The following LRP1 variants were observed in gnomAD, a reference collection of about 807,000 sequenced individuals.
The protein encoded by LRP1 is prolow-density lipoprotein receptor-related protein 1.
In LRP1, 51 loss-of-function variants were observed where a neutral mutation model predicts 541.5. That is an observed-to-expected ratio of 0.09 (90% CI 0.08 to 0.12). LRP1 has a LOEUF of 0.12. Ranked by LOEUF, LRP1 falls within the 10% of genes least tolerant of loss-of-function variation. The pLI, the probability that LRP1 is intolerant of heterozygous loss-of-function variation, is 1.00. For missense variants in LRP1, 3,878 were observed against 6,376.2 expected (o/e 0.61, Z 13.34); for synonymous variants, 2,219 against 2,470.8 (o/e 0.90, Z 3.02).
At chr12:57,137,348 G>T (rs2035194096) in intron 1 of LRP1, among the ~76,000 whole-genome samples, 1 of 151,792 alleles carries the variant, frequency 6.6e-6, no homozygotes, top group Non-Finnish European at 1.5e-5. Flanking sequence ...ATTGGGGTGG[G>T]AGGGTAGGGC....
chr12:57,208,377 C>A, intron 77 of LRP1, 161 bp downstream of exon 77: 1 of 757,046 alleles, frequency 1.3e-6, no homozygotes. Flanking sequence ...CTGCCTGGCC[C>A]TCCCCATGCT....
intron 17 of LRP1, 83 bp downstream of exon 17, chr12:57,166,292 TGCCTATAATCTCA>T: frequency 1.3e-6 from 2 of 1,492,938 alleles, no homozygotes; most frequent in Non-Finnish European, 1.8e-6. Context: ...CAGTGGCTCA[TGCCTATAATCTCA>T]GCACTTTGGG....
chr12:57,203,198 G>A lies in LRP1; in HGVS notation c.10729G>A (p.Glu3577Lys), dbSNP rs866559567. The change falls in exon 69 of 89, where the codon GAG becomes AAG. Residue 3577 changes from glutamate (E) to lysine (K), a missense_variant. Around this residue, in one of 13 missense-constraint regions of LRP1, gnomAD observed 278 missense variants for 536.3 expected, o/e 0.52. Coordinates refer to ENST00000243077, the MANE Select transcript of LRP1 (RefSeq NM_002332.3). The stretch of plus-strand genomic sequence containing the variant: ...CTTCCCAGCCCCTCGGCCCTGCTCC[G>A]AGAGTGAGTTCTCCTGTGCCAACGG... The part of the protein sequence containing the change: ...EESCTPRPCS[E>K]SEFSCANGRC... 2 of 1,602,818 alleles carry A rather than the reference G, an allele frequency of 1.2e-6. No individual in the cohort carries two copies. Among genetic ancestry groups the A allele is most frequent in the East Asian group, 2.2e-5 (1 of 44,508 alleles).
Position 57,208,170 on chromosome 12 carries a change from G to A in LRP1, c.11992G>A (p.Gly3998Ser). 2 of 1,614,072 alleles carry A rather than the reference G, an allele frequency of 1.2e-6. No individual in the cohort carries two copies. The highest frequency in any genetic ancestry group is 1.7e-6 in the Non-Finnish European group (2 of 1,180,012). ...KGENRKTLIS[G>S]MIDEPHAIVV... is the part of the protein sequence containing the mutation. ...CGAGAACCGCAAGACGCTCATCTCGGGCATGATTGACGAGCCCCACGCCAT... is the reference window on the plus strand; with the variant it reads ...CGAGAACCGCAAGACGCTCATCTCGAGCATGATTGACGAGCCCCACGCCAT... Residue 3998 changes from glycine (G) to serine (S), a missense_variant, in exon 77 of 89, where the codon GGC becomes AGC. Gly to Ser is a moderately conservative substitution (Grantham distance 56). Coordinates refer to ENST00000243077, the MANE Select transcript of LRP1 (RefSeq NM_002332.3).
intron 6 of LRP1, among the ~76,000 whole-genome samples, chr12:57,151,911 G>A (rs1189880095): frequency 2.0e-5 from 3 of 152,150 alleles, no homozygotes; most frequent in Non-Finnish European, 2.9e-5. Context: ...ATTTTTGCTT[G>A]CAACTAATAG....
chr12:57,187,259 C>T lies in LRP1; in HGVS notation c.6842-8C>T. Reference sequence around the variant, plus strand: ...TCCTGACAAATCGCTGCTCCTGTCTCTTCACAGACGTGGGCTCCGTGGAAG... The same window carrying T: ...TCCTGACAAATCGCTGCTCCTGTCTTTTCACAGACGTGGGCTCCGTGGAAG... On this transcript the variant is annotated splice_region_variant and splice_polypyrimidine_tract_variant and intron_variant, in intron 41 of 88. Transcript: ENST00000243077. 1 of 1,609,130 alleles carries T rather than the reference C, an allele frequency of 6.2e-7. No homozygotes were observed. The highest frequency in any genetic ancestry group is 1.1e-5 in the South Asian group (1 of 90,282).
In LRP1 at chr12:57,185,052, G is replaced by T; in HGVS notation, c.6339-29G>T. The T allele has an allele frequency of 1.2e-6, 2 of 1,614,092 alleles. No individual in the cohort carries two copies. Among genetic ancestry groups the T allele is most frequent in the Non-Finnish European group, 1.7e-6 (2 of 1,179,966 alleles). ...TTCCTTCCCTCCTGCCTCCACTGATGCCCTGCTTGTGCCCTGTCCTTCCCT... is the reference window on the plus strand; with the variant it reads ...TTCCTTCCCTCCTGCCTCCACTGATTCCCTGCTTGTGCCCTGTCCTTCCCT... On this transcript the variant is annotated intron_variant, in intron 39 of 88. Coordinates refer to ENST00000243077, the MANE Select transcript of LRP1 (RefSeq NM_002332.3). The surrounding 1 kb of genome is among the most constrained non-coding windows in gnomAD (Gnocchi z 4.9).
chr12:57,181,436 C>T (rs1251521081), intron 34 of LRP1, 145 bp downstream of exon 34: 1 of 1,028,488 alleles, frequency 9.7e-7, no homozygotes, highest in Non-Finnish European at 1.4e-6. Flanking sequence ...GTGGCTATGA[C>T]TCTCCAGTGC....
chr12:57,145,648 G>T (rs2035390516), intron 6 of LRP1, among the ~76,000 whole-genome samples, 158 bp downstream of exon 6: 1 of 152,158 alleles, frequency 6.6e-6, no homozygotes, highest in Non-Finnish European at 1.5e-5. Context: ...TGAGGCAGGG[G>T]CAGAGCCACC....
At chr12:57,135,909 G>T (rs1234867352) in intron 1 of LRP1, among the ~76,000 whole-genome samples, 3 of 152,140 alleles carry the variant, frequency 2.0e-5, no homozygotes, top group Admixed American at 6.5e-5. Context: ...GGGAGGTTAG[G>T]TGACCACCCG....
chr12:57,198,712 T>G (rs1355623734), intron 60 of LRP1, 42 bp downstream of exon 60: 14 of 1,556,756 alleles, frequency 9.0e-6, no homozygotes. Flanking sequence ...GCAGACTCAG[T>G]GGGGATGGAG....
At chr12:57,166,025 C>T (rs979537626) in intron 16 of LRP1, 59 bp from the exon 17 acceptor site, 108 of 1,613,074 alleles carry the variant, frequency 6.7e-5, no homozygotes, top group Non-Finnish European at 8.4e-5. Context: ...TATACTGGAG[C>T]GGGCAGGAAG....
In LRP1 at chr12:57,178,317, G is replaced by A; in HGVS notation, c.4362-42G>A. 1 of 1,587,644 alleles carries A rather than the reference G, an allele frequency of 6.3e-7. No homozygotes were observed. ...ACCTGGGCAGAGCTCTGAGGGCTGA[G>A]ATCCCAGCTGGCATCCTCATTCTGC... On this transcript the variant is annotated intron_variant, in intron 26 of 88. Transcript: ENST00000243077. The surrounding 1 kb of genome is among the most constrained non-coding windows in gnomAD (Gnocchi z 5.8).
Position 57,201,375 on chromosome 12 carries a change from C to G in LRP1, c.10346-122C>G, listed in dbSNP as rs1358406075. 1 of 1,452,636 alleles carries G rather than the reference C, an allele frequency of 6.9e-7. No homozygotes were observed. The highest frequency in any genetic ancestry group is 9.3e-7 in the Non-Finnish European group (1 of 1,073,334). The allele number at this position is 1,452,636 out of a possible 1,614,324, so 90.0% of individuals were successfully genotyped here. On this transcript the variant is annotated intron_variant, in intron 65 of 88. Transcript: ENST00000243077. This position sits in a 1 kb window ranked among gnomAD's most constrained non-coding sequence, Gnocchi z 6.4. ...GCACCAAAACTGGGGATAAACTGTT[C>G]CTTCCTCCGAAGAAGTTGCTGGCAG... is the stretch of plus-strand genomic sequence containing the variant.
At chr12:57,131,172 C>T (rs2035031093) in intron 1 of LRP1, among the ~76,000 whole-genome samples, 1 of 152,180 alleles carries the variant, frequency 6.6e-6, no homozygotes, top group African/African-American at 2.4e-5. Context: ...TACCTTCCTC[C>T]TGCTATCACA....
At chr12:57,155,965 A>G in intron 8 of LRP1, 129 bp from the exon 9 acceptor site, 1 of 730,332 alleles carries the variant, frequency 1.4e-6, no homozygotes, top group East Asian at 2.7e-5. Context: ...TAAATAAATA[A>G]AAATTAAAAA....
At chr12:57,149,536 A>T in intron 6 of LRP1, 1 of 649,624 alleles carries the variant, frequency 1.5e-6, no homozygotes, top group Non-Finnish European at 2.8e-6. Flanking sequence ...AGAGCCCGGC[A>T]AGGATTTCTC....
At chr12:57,143,578 A>G in intron 3 of LRP1, 101 bp from the exon 4 acceptor site, 3 of 1,437,692 alleles carry the variant, frequency 2.1e-6, no homozygotes, top group South Asian at 1.3e-5. Context: ...AGCCCTTAGA[A>G]GTGGTTTCTG....
rs1405053740 is a variant in LRP1 at position 57,169,249 on chromosome 12, T to C, written c.3105T>C (p.Asp1035=). 4 of 1,613,862 alleles carry C rather than the reference T, an allele frequency of 2.5e-6. No homozygotes were observed. Among genetic ancestry groups the C allele is most frequent in the Admixed American group, 3.3e-5 (2 of 60,022 alleles). The change falls in exon 20 of 89, where the codon GAT becomes GAC. Residue 1035 remains aspartate, a synonymous_variant. Coordinates refer to ENST00000243077, the MANE Select transcript of LRP1 (RefSeq NM_002332.3). ...GCATCCCCGAGCACTGGACCTGCGATGGGGACAATGACTGCGGAGACTACA... is the reference window on the plus strand; with the variant it reads ...GCATCCCCGAGCACTGGACCTGCGACGGGGACAATGACTGCGGAGACTACA... ...GRCIPEHWTC[D]GDNDCGDYSD... is the part of the protein sequence containing the mutation.
Sources: gnomAD v4.1 joint callset for allele counts (sites outside exome capture counted in the v4.1 genomes callset) on GRCh38, gnomAD v4.1.1 for gene constraint, gnomAD v4.1.1 regional missense constraint, Gnocchi (gnomAD v3.1) non-coding constraint, MANE v1.5 for transcripts, NCBI Gene and HGNC (gene_info 2026-07-23, HGNC 2026-07-21) for gene names.